PTPRN2: variants seen among roughly 807,000 people sequenced by gnomAD.
The protein encoded by PTPRN2 is protein tyrosine phosphatase receptor type N2.
A neutral mutation model predicts 118.8 loss-of-function variants in PTPRN2; 74 were observed. The ratio of observed to expected loss-of-function variants is 0.62; its 90% CI spans 0.52 to 0.76. The LOEUF is 0.76. Among genes scored for constraint, PTPRN2 ranks in the 30% least tolerant of loss-of-function variants. The pLI, the probability that PTPRN2 is intolerant of heterozygous loss-of-function variation, is 0.00. For synonymous variants in PTPRN2, 641 were observed against 608.0 expected, an observed-to-expected ratio of 1.05 and a Z score of -0.80; for missense variants, 1,481 against 1,394.4, an observed-to-expected ratio of 1.06 and a Z score of -0.99.
chr7:157,712,306 T>G (rs1324669974), intron 12 of PTPRN2, among the ~76,000 whole-genome samples: 2 of 152,204 alleles, frequency 1.3e-5, no homozygotes, highest in Non-Finnish European at 2.9e-5. Context: ...GAGTACAAAC[T>G]GTGTCCCCTC....
chr7:158,265,045 T>G (rs892773348), intron 3 of PTPRN2, among the ~76,000 whole-genome samples: 14 of 151,864 alleles, frequency 9.2e-5, no homozygotes, highest in African/African-American at 3.1e-4. Context: ...CCAAGCCTGG[T>G]GACATTCCCC....
intron 3 of PTPRN2, among the ~76,000 whole-genome samples, chr7:158,241,117 T>C (rs995525286): frequency 2.0e-5 from 3 of 152,254 alleles, no homozygotes; most frequent in African/African-American, 7.2e-5. Flanking sequence ...TGTTCTTGGT[T>C]AACCCATTTT....
chr7:157,907,859 C>T (rs1797867062), intron 11 of PTPRN2, among the ~76,000 whole-genome samples: 1 of 152,138 alleles, frequency 6.6e-6, no homozygotes, highest in East Asian at 1.9e-4. Context: ...ATTTTCTTTC[C>T]TCCAGCCCCA....
intron 15 of PTPRN2, chr7:157,614,060 C>G (rs200293621): frequency 7.6e-4 from 356 of 471,354 alleles, no homozygotes; most frequent in Admixed American, 1.2e-3. Flanking sequence ...TGCAGCAGGA[C>G]TGCTCAACCG....
chr7:157,592,214 T>C (rs930481706), intron 17 of PTPRN2, among the ~76,000 whole-genome samples: 1 of 152,244 alleles, frequency 6.6e-6, no homozygotes, highest in African/African-American at 2.4e-5. Flanking sequence ...CCATAAGATG[T>C]AAACACTGAT....
At chr7:158,123,142 T>C (rs1178564902) in intron 9 of PTPRN2, among the ~76,000 whole-genome samples, 1 of 152,250 alleles carries the variant, frequency 6.6e-6, no homozygotes, top group Non-Finnish European at 1.5e-5. Context: ...AACCAATAGA[T>C]AAACGAGGTT....
intron 3 of PTPRN2, among the ~76,000 whole-genome samples, chr7:158,311,899 C>T (rs886779052): frequency 7.6e-6 from 1 of 131,732 alleles, no homozygotes; most frequent in Non-Finnish European, 1.6e-5. Flanking sequence ...GTGTAGACAC[C>T]CACACACGCA....
chr7:157,632,380 T>C lies in PTPRN2; in HGVS notation c.2197-10871A>G, dbSNP rs1002250686. Among the ~76,000 whole-genome samples the C allele has an allele frequency of 2.0e-5, 3 of 152,198 alleles. No homozygotes were observed. Among genetic ancestry groups the C allele is most frequent in the African/African-American group, 7.2e-5 (3 of 41,440 alleles). The stretch of plus-strand genomic sequence containing the variant: ...CACATTTACAGAAAAATATGACAAT[T>C]TGATAAAGACTTAACAACAAAAACC... On this transcript the variant is annotated intron_variant, in intron 14 of 22. Transcript: ENST00000389418. The surrounding 1 kb of genome is among the most constrained non-coding windows in gnomAD (Gnocchi z 4.3).
chr7:158,068,073 A>T (rs1810914805), intron 11 of PTPRN2, among the ~76,000 whole-genome samples: 1 of 152,150 alleles, frequency 6.6e-6, no homozygotes, highest in African/African-American at 2.4e-5. Context: ...GGGCTGGAGG[A>T]GAGCTGAGCC....
intron 12 of PTPRN2, among the ~76,000 whole-genome samples, chr7:157,897,239 G>A (rs958533708): frequency 2.0e-5 from 3 of 152,134 alleles, no homozygotes; most frequent in African/African-American, 7.2e-5. Flanking sequence ...TGTACACGCA[G>A]GAGACGCACC....
chr7:158,078,718 C>CA (rs1812570526), intron 11 of PTPRN2, among the ~76,000 whole-genome samples: 1 of 152,198 alleles, frequency 6.6e-6, no homozygotes. Flanking sequence ...GGCGAGTCAC[C>CA]AGTCACCAAC....
rs1212144894 is a variant in PTPRN2 at position 158,333,258 on chromosome 7, C to T, written c.164-16326G>A. Among the ~76,000 whole-genome samples the T allele has an allele frequency of 1.6e-4, 18 of 113,200 alleles. 2 individuals carry two copies. Among genetic ancestry groups the T allele is most frequent in the South Asian group, 1.1e-3 (4 of 3,718 alleles). The allele number at this position is 113,200 out of a possible 152,430, so 74.3% of individuals were successfully genotyped here. ...CACTCTCCCCAAAAGAGCTGTCGCC[C>T]GCAGGAGTCACTCACACCCACACTC... On this transcript the variant is annotated intron_variant, in intron 2 of 22. Coordinates refer to ENST00000389418, the MANE Select transcript of PTPRN2 (RefSeq NM_002847.5).
At chr7:158,081,624 TA>T (rs1385584155) in intron 10 of PTPRN2, among the ~76,000 whole-genome samples, 1 of 152,174 alleles carries the variant, frequency 6.6e-6, no homozygotes. Context: ...TATGCTATCC[TA>T]AAAAATTCAC....
intron 1 of PTPRN2, among the ~76,000 whole-genome samples, chr7:158,494,118 A>G (rs1435225853): frequency 1.3e-5 from 2 of 152,258 alleles, no homozygotes; most frequent in Non-Finnish European, 2.9e-5. Flanking sequence ...AGAGATGTTT[A>G]TGGAGAGTTT....
chr7:157,992,681 G>A (rs1804339142), intron 11 of PTPRN2, among the ~76,000 whole-genome samples: 1 of 152,054 alleles, frequency 6.6e-6, no homozygotes, highest in Non-Finnish European at 1.5e-5. Flanking sequence ...CCAACAGAGA[G>A]CAGGGAGCAG....
chr7:158,174,405 C>G (rs908476025), intron 5 of PTPRN2, among the ~76,000 whole-genome samples: 10 of 152,042 alleles, frequency 6.6e-5, no homozygotes, highest in Non-Finnish European at 1.5e-4. Context: ...CCATCCACAG[C>G]AGCATCCCCA....
Position 157,851,157 on chromosome 7 carries a change from A to C in PTPRN2, c.1788+47516T>G, listed in dbSNP as rs534951296. On this transcript the variant is annotated intron_variant, in intron 12 of 22. Coordinates refer to ENST00000389418, the MANE Select transcript of PTPRN2 (RefSeq NM_002847.5). ...ATATCTGTGATAATTACCAACCCCC[A>C]AAAAGGGTTCTCTAACGAGGGTGCA... 3.3e-5 allele frequency among the ~76,000 whole-genome samples: 5 copies of C among 152,284 alleles called. No individual in the cohort carries two copies. The South Asian group carries it at 6.2e-4, about 19-fold the overall frequency.
chr7:158,382,773 A>C (rs1811059461), intron 2 of PTPRN2, among the ~76,000 whole-genome samples: 1 of 152,238 alleles, frequency 6.6e-6, no homozygotes, highest in Non-Finnish European at 1.5e-5. Flanking sequence ...GCTGGGGAGC[A>C]GCTGCAAACA....
At chr7:158,098,052 G>A (rs943169127) in intron 10 of PTPRN2, among the ~76,000 whole-genome samples, 7 of 152,208 alleles carry the variant, frequency 4.6e-5, no homozygotes, top group East Asian at 3.9e-4. Context: ...CCCTCGAGCC[G>A]GTGCATTTGC....
Sources: allele counts gnomAD v4.1 joint callset (sites outside exome capture counted in the v4.1 genomes callset), GRCh38; gene constraint gnomAD v4.1.1; non-coding constraint Gnocchi (gnomAD v3.1); transcripts MANE v1.5; gene names NCBI Gene and HGNC (gene_info 2026-07-23, HGNC 2026-07-21).